The following PLAG1 variants were observed in gnomAD, a reference collection of about 807,000 sequenced individuals.
PLAG1 encodes PLAG1 zinc finger.
A neutral mutation model predicts 35.5 loss-of-function variants in PLAG1; 7 were observed. The ratio of observed to expected loss-of-function variants is 0.20; its 90% CI spans 0.11 to 0.37. PLAG1 has a LOEUF of 0.37. Among genes scored for constraint, PLAG1 ranks in the 10% least tolerant of loss-of-function variants. PLAG1 has a pLI of 1.00. For synonymous variants in PLAG1, 229 were observed against 225.4 expected, an observed-to-expected ratio of 1.02 and a Z score of -0.14; for missense variants, 454 against 602.8, an observed-to-expected ratio of 0.75 and a Z score of 2.58.
chr8:56,172,206 G>A (rs866953040), intron 2 of PLAG1, among the ~76,000 whole-genome samples: 1 of 152,258 alleles, frequency 6.6e-6, no homozygotes. Context: ...TTTCATACTT[G>A]AAGAATTTGA....
intron 2 of PLAG1, among the ~76,000 whole-genome samples, chr8:56,173,439 T>C (rs1811589672): frequency 6.6e-6 from 1 of 152,142 alleles, no homozygotes; most frequent in African/African-American, 2.4e-5. Context: ...AATATACAGT[T>C]TGTATTTATG....
At chr8:56,193,460 G>C (rs1269273711) in intron 1 of PLAG1, among the ~76,000 whole-genome samples, 2 of 152,132 alleles carry the variant, frequency 1.3e-5, no homozygotes, top group African/African-American at 4.8e-5. Context: ...AAAAAAAGCT[G>C]GTTGACAATG....
intron 3 of PLAG1, among the ~76,000 whole-genome samples, chr8:56,170,561 C>T (rs1052104447): frequency 2.0e-5 from 3 of 152,194 alleles, no homozygotes; most frequent in Admixed American, 6.5e-5. Flanking sequence ...TTGAACATTT[C>T]CCAATTGCAG....
chr8:56,191,973 G>A (rs190392947), intron 1 of PLAG1, among the ~76,000 whole-genome samples: 69 of 152,304 alleles, frequency 4.5e-4, no homozygotes, highest in Non-Finnish European at 7.4e-4. Flanking sequence ...GGTTAACTGG[G>A]ATTTTTGGTA....
intron 2 of PLAG1, among the ~76,000 whole-genome samples, chr8:56,177,748 A>T (rs940041891): frequency 2.0e-5 from 3 of 152,206 alleles, no homozygotes; most frequent in African/African-American, 7.2e-5. Context: ...CTAGCAGGTA[A>T]CTATGTTTCA....
At chr8:56,196,746 AG>A (rs1334817649) in intron 1 of PLAG1, among the ~76,000 whole-genome samples, 1 of 152,078 alleles carries the variant, frequency 6.6e-6, no homozygotes, top group Non-Finnish European at 1.5e-5. Flanking sequence ...CTCCTCTGCA[AG>A]GGTGTGGGCC....
At chr8:56,170,144 A>G (rs1164022004) in intron 3 of PLAG1, among the ~76,000 whole-genome samples, 2 of 152,234 alleles carry the variant, frequency 1.3e-5, no homozygotes, top group African/African-American at 4.8e-5. Context: ...TAACATAGTA[A>G]GGCATATGGG....
chr8:56,201,053 TC>T (rs1812533464), intron 1 of PLAG1, among the ~76,000 whole-genome samples: 1 of 152,092 alleles, frequency 6.6e-6, no homozygotes, highest in South Asian at 2.1e-4. Context: ...AAGAGAGAAA[TC>T]CCCAAATCCC....
At chr8:56,198,921 G>T (rs748757699) in intron 1 of PLAG1, among the ~76,000 whole-genome samples, 2 of 152,174 alleles carry the variant, frequency 1.3e-5, no homozygotes, top group Non-Finnish European at 1.5e-5. Context: ...CTGTGTGGCA[G>T]GCACTTTGTA....
chr8:56,171,114 C>T lies in PLAG1; in HGVS notation c.-141G>A, dbSNP rs1385733667. 2 of 973,558 alleles carry T rather than the reference C, an allele frequency of 2.1e-6. No homozygotes were observed. The highest frequency in any genetic ancestry group is 5.2e-4 in the Middle Eastern group (1 of 1,914). The allele number at this position is 973,558 out of a possible 1,614,324, so 60.3% of individuals were successfully genotyped here. A position where few individuals can be genotyped will look rare whatever the true frequency, so the allele number is the denominator to read the frequency against. ...ACCTGATTACTGATGGAAAAAGCCT[C>T]AGACTTTGATCTTAGCCAGTCCCAT... is the stretch of plus-strand genomic sequence containing the variant. On this transcript the variant is annotated 5_prime_UTR_variant, in exon 3 of 5. An upstream open reading frame in the 5' UTR loses its in-frame stop. Transcript: ENST00000316981.
At chr8:56,183,648 A>G (rs1286477384) in intron 1 of PLAG1, among the ~76,000 whole-genome samples, 1 of 152,222 alleles carries the variant, frequency 6.6e-6, no homozygotes, top group East Asian at 1.9e-4. Context: ...ACTTTTCTAC[A>G]TTATACAAAT....
Position 56,165,998 on chromosome 8 carries a change from A to AG in PLAG1, c.*244_*245insC. 3.6e-6 allele frequency: 1 copy of AG among 276,770 alleles called. No homozygotes were observed. The highest frequency in any genetic ancestry group is 1.6e-4 in the South Asian group (1 of 6,278). 17.1% of individuals were successfully genotyped at this position (276,770 alleles called of 1,614,324 possible). A position where few individuals can be genotyped will look rare whatever the true frequency, so the allele number is the denominator to read the frequency against. ...TAATGGCTTTCCTATATGGAAAAAA[A>AG]AAAGTCTTAAAATGTGACAATTGGC... On this transcript the variant is annotated 3_prime_UTR_variant, in exon 5 of 5. Transcript: ENST00000316981.
intron 1 of PLAG1, among the ~76,000 whole-genome samples, chr8:56,199,428 A>AACAG (rs149200125): frequency 0.021 from 3,188 of 152,330 alleles, 85 homozygotes; most frequent in African/African-American, 0.071. Flanking sequence ...AGATGAAAGA[A>AACAG]ACAGCACATG....
chr8:56,199,393 G>A (rs1391911043), intron 1 of PLAG1, among the ~76,000 whole-genome samples: 5 of 152,120 alleles, frequency 3.3e-5, no homozygotes, highest in Admixed American at 2.6e-4. Flanking sequence ...AAAATGAAGG[G>A]GCAGGATAGC....
At chr8:56,169,378 G>A (rs189700295) in intron 3 of PLAG1, among the ~76,000 whole-genome samples, 1 of 152,272 alleles carries the variant, frequency 6.6e-6, no homozygotes, top group Non-Finnish European at 1.5e-5. Context: ...ATATTGTACA[G>A]CAAGGAGTAT....
Position 56,176,941 on chromosome 8 carries a change from T to C in PLAG1, c.-217+2468A>G, listed in dbSNP as rs538046230. Reference sequence around the variant, plus strand: ...TGCCTAATGCTATTAAAATCGCAAATACAGAATAATCCAGATTTCATGTCT... The same window carrying C: ...TGCCTAATGCTATTAAAATCGCAAACACAGAATAATCCAGATTTCATGTCT... On this transcript the variant is annotated intron_variant, in intron 2 of 4. Transcript: ENST00000316981. 3.3e-5 allele frequency among the ~76,000 whole-genome samples: 5 copies of C among 152,228 alleles called. No individual in the cohort carries two copies. The East Asian group carries it at 9.6e-4, about 29-fold the overall frequency.
At chr8:56,169,638 C>A (rs1005795180) in intron 3 of PLAG1, among the ~76,000 whole-genome samples, 2 of 152,154 alleles carry the variant, frequency 1.3e-5, no homozygotes, top group Non-Finnish European at 2.9e-5. Context: ...TCCCTGGGCT[C>A]AAGCTATCTT....
rs905912217 is a variant in PLAG1, at chr8:56,164,499, C to A, written c.*1744G>T. On this transcript the variant is annotated 3_prime_UTR_variant, in exon 5 of 5. Coordinates refer to ENST00000316981, the MANE Select transcript of PLAG1 (RefSeq NM_002655.3). ...ATTGCAATCTGCAGTGATAACTGGC[C>A]CTACAAAAAGGAAAGAAGTTTCCAT... The A allele has an allele frequency of 1.3e-5, 3 of 223,648 alleles. No homozygotes were observed. The highest frequency in any genetic ancestry group is 2.7e-5 in the Non-Finnish European group (3 of 111,912). 13.9% of individuals were successfully genotyped at this position (223,648 alleles called of 1,614,324 possible). A position where few individuals can be genotyped will look rare whatever the true frequency, so the allele number is the denominator to read the frequency against.
At chr8:56,178,327 T>C (rs1563379564) in intron 2 of PLAG1, among the ~76,000 whole-genome samples, 1 of 150,960 alleles carries the variant, frequency 6.6e-6, no homozygotes, top group Non-Finnish European at 1.5e-5. Context: ...TTCTAGCTAC[T>C]AAAAAACAAC....
Sources: allele counts gnomAD v4.1 joint callset (sites outside exome capture counted in the v4.1 genomes callset), GRCh38; gene constraint gnomAD v4.1.1; transcripts MANE v1.5; gene names NCBI Gene and HGNC (gene_info 2026-07-23, HGNC 2026-07-21).